The following SPIB variants were observed in gnomAD, a reference collection of about 807,000 sequenced individuals.
SPIB encodes transcription factor Spi-B.
In SPIB, 7 loss-of-function variants were observed where a neutral mutation model predicts 31.9. That is an observed-to-expected ratio of 0.22 (90% CI 0.12 to 0.41). SPIB has a LOEUF of 0.41. Among genes scored for constraint, SPIB ranks in the 10% least tolerant of loss-of-function variants. The pLI, the probability that SPIB is intolerant of heterozygous loss-of-function variation, is 1.00. For missense variants in SPIB, 327 were observed against 360.2 expected (o/e 0.91, Z 0.75); for synonymous variants, 176 against 158.9 (o/e 1.11, Z -0.81).
At chr19:50,420,837 G>A (rs1479060443) in intron 2 of SPIB, among the ~76,000 whole-genome samples, 1 of 152,056 alleles carries the variant, frequency 6.6e-6, no homozygotes, top group African/African-American at 2.4e-5. Flanking sequence ...CATGTTATCC[G>A]GGCTGGTTTC....
intron 2 of SPIB, 41 bp from the exon 3 acceptor site, chr19:50,422,431 AG>A: frequency 6.3e-7 from 1 of 1,599,718 alleles, no homozygotes; most frequent in Non-Finnish European, 8.6e-7. Context: ...GGAGTCCCCA[AG>A]GCCTGGGATG....
intron 5 of SPIB, among the ~76,000 whole-genome samples, chr19:50,424,960 A>AAAACAAAC (rs112201001): frequency 1.3e-5 from 2 of 150,586 alleles, no homozygotes; most frequent in East Asian, 2.0e-4. Context: ...CTCCGTCTCA[A>AAAACAAAC]AAACAAACAA....
At chr19:50,426,804 T>A (rs139263729) in intron 5 of SPIB, among the ~76,000 whole-genome samples, 1 of 151,784 alleles carries the variant, frequency 6.6e-6, no homozygotes, top group Non-Finnish European at 1.5e-5. Flanking sequence ...CTCCAACTTA[T>A]ACTTTCGATG....
chr19:50,420,676 G>A (rs2039483809), intron 2 of SPIB, among the ~76,000 whole-genome samples: 1 of 152,300 alleles, frequency 6.6e-6, no homozygotes, highest in East Asian at 1.9e-4. Context: ...CACCCAGGCT[G>A]GAGTGCAGTG....
chr19:50,423,485 A>G (rs3745516), intron 4 of SPIB, 120 bp from the exon 5 acceptor site: 1,000,768 of 1,399,826 alleles, frequency 0.71, 371,614 homozygotes, highest in Non-Finnish European at 0.77. Flanking sequence ...AAAGGCCAAA[A>G]TCTAGGCTGT....
rs1266073731 is a variant in SPIB, at chr19:50,429,183, A to G, written c.*847A>G. On this transcript the variant is annotated 3_prime_UTR_variant, in exon 6 of 6. Coordinates refer to ENST00000595883, the MANE Select transcript of SPIB (RefSeq NM_003121.5). ...GGGACCCCACAAAGACTGAGTTCTC[A>G]TGGGGATCCTACCCTTCCTAGTGCC... is the stretch of plus-strand genomic sequence containing the variant. 6.6e-6 allele frequency: 1 copy of G among 152,080 alleles called. No individual in the cohort carries two copies. Among genetic ancestry groups the G allele is most frequent in the Non-Finnish European group, 1.5e-5 (1 of 68,028 alleles). The allele number at this position is 152,080 out of a possible 1,614,324, so 9.4% of individuals were successfully genotyped here.
chr19:50,428,345 G>A lies in SPIB; in HGVS notation c.*9G>A. 2 of 1,532,368 alleles carry A rather than the reference G, an allele frequency of 1.3e-6. No individual in the cohort carries two copies. The highest frequency in any genetic ancestry group is 1.8e-6 in the Non-Finnish European group (2 of 1,136,716). 94.9% of individuals were successfully genotyped at this position (1,532,368 alleles called of 1,614,324 possible). ...CAGTCCGCCGGGCCTGAGCACACCC[G>A]AGGCTCCCACCTGCGGAGCCGCTGG... On this transcript the variant is annotated 3_prime_UTR_variant, in exon 6 of 6. Coordinates refer to ENST00000595883, the MANE Select transcript of SPIB (RefSeq NM_003121.5). The surrounding 1 kb of genome is among the most constrained non-coding windows in gnomAD (Gnocchi z 6.5).
chr19:50,422,008 C>T (rs575187948), intron 2 of SPIB, among the ~76,000 whole-genome samples: 2 of 152,272 alleles, frequency 1.3e-5, no homozygotes, highest in African/African-American at 4.8e-5. Context: ...CCTCGGCCCC[C>T]CAAAGTGTTG....
chr19:50,419,549 C>T (rs747617127), intron 1 of SPIB, among the ~76,000 whole-genome samples: 76 of 152,254 alleles, frequency 5.0e-4, no homozygotes, highest in Admixed American at 2.2e-3. Flanking sequence ...GAGTCTTCTC[C>T]GGGCTTCCCC....
chr19:50,423,821 TGGC>T, intron 5 of SPIB, 66 bp downstream of exon 5: 2 of 1,528,908 alleles, frequency 1.3e-6, no homozygotes, highest in Non-Finnish European at 1.8e-6. Flanking sequence ...GAGAGCACCA[TGGC>T]TTCCTGGGCC....
intron 5 of SPIB, among the ~76,000 whole-genome samples, chr19:50,425,465 C>T (rs369004029): frequency 2.4e-4 from 36 of 152,036 alleles, no homozygotes; most frequent in Admixed American, 9.2e-4. Context: ...TTATTTGAGA[C>T]GGTCTCCATC....
At chr19:50,426,482 C>A (rs185977813) in intron 5 of SPIB, among the ~76,000 whole-genome samples, 82 of 152,222 alleles carry the variant, frequency 5.4e-4, no homozygotes, top group African/African-American at 1.9e-3. Context: ...GAATGTCCAA[C>A]TTTTATTTAG....
chr19:50,422,864 AC>A lies in SPIB; in HGVS notation c.171del (p.Tyr58MetfsTer122). 6.3e-7 allele frequency: 1 copy of A among 1,598,310 alleles called. No individual in the cohort carries two copies. The highest frequency in any genetic ancestry group is 8.5e-7 in the Non-Finnish European group (1 of 1,172,194). ...GACTGTGGCCCCACCTGTCCCAGCC[AC>A]CCCCTATGAAGCCTTCGACCCGGCA... The part of the protein sequence containing the change: ...DWTVAPPVPA[T>X]PYEAFDPAAA... On this transcript the variant is annotated frameshift_variant, in exon 4 of 6. Coordinates refer to ENST00000595883, the MANE Select transcript of SPIB (RefSeq NM_003121.5). LOFTEE classifies it high-confidence loss of function.
At chr19:50,427,991 G>A (rs1379264314) in intron 5 of SPIB, 47 bp from the exon 6 acceptor site, 1 of 1,448,956 alleles carries the variant, frequency 6.9e-7, no homozygotes, top group South Asian at 1.5e-5. Context: ...GGGAAGGCGG[G>A]GCCTTAGGGA....
chr19:50,423,343 C>T (rs1015901361), intron 4 of SPIB: 25 of 525,494 alleles, frequency 4.8e-5, no homozygotes, highest in Non-Finnish European at 7.0e-5. Flanking sequence ...TCCGTTGTTG[C>T]CCCTCTGAAC....
At chr19:50,427,912 C>T in intron 5 of SPIB, 126 bp from the exon 6 acceptor site, 1 of 1,055,110 alleles carries the variant, frequency 9.5e-7, no homozygotes, top group Non-Finnish European at 1.3e-6. Context: ...GTAACAGCCA[C>T]TTCCCTCACC....
At chr19:50,423,287 T>C (rs544298018) in intron 4 of SPIB, 9 of 489,684 alleles carry the variant, frequency 1.8e-5, no homozygotes, top group African/African-American at 9.8e-5. Context: ...GGGCACTGCA[T>C]TGAGACTGCA....
chr19:50,428,136 G>A lies in SPIB; in HGVS notation c.589G>A (p.Val197Ile). Residue 197 changes from valine (V) to isoleucine (I), a missense_variant, in exon 6 of 6, where the codon GTC becomes ATC. By Grantham distance (29) the Val-to-Ile change is conservative. This residue lies in a region of SPIB where 54 missense variants were observed against 69.5 expected (regional missense o/e 0.78). Transcript: ENST00000595883. This position sits in a 1 kb window ranked among gnomAD's most constrained non-coding sequence, Gnocchi z 6.5. ...CVWWVEPGAGVFQFSSKHKEL... is the reference protein window; with the variant it reads ...CVWWVEPGAGIFQFSSKHKEL... ...GTGGTGGGTGGAGCCAGGCGCCGGC[G>A]TCTTCCAGTTCTCCTCCAAGCACAA... The A allele has an allele frequency of 1.3e-6, 2 of 1,585,828 alleles. No individual in the cohort carries two copies. Among genetic ancestry groups the A allele is most frequent in the African/African-American group, 1.3e-5 (1 of 74,692 alleles).
rs2039612493 is a variant in SPIB at position 50,429,451 on chromosome 19, C to T, written c.*1115C>T. 6.6e-6 allele frequency: 1 copy of T among 152,598 alleles called. No individual in the cohort carries two copies. The highest frequency in any genetic ancestry group is 2.4e-5 in the African/African-American group (1 of 41,432). 9.5% of individuals were successfully genotyped at this position (152,598 alleles called of 1,614,324 possible). ...TGGGCAATGGCTCACACCTGTAATC[C>T]CAGCACTTTGGGAGGCGAGGCAGGG... On this transcript the variant is annotated 3_prime_UTR_variant, in exon 6 of 6. Transcript: ENST00000595883.
Sources: gnomAD v4.1 joint callset for allele counts (sites outside exome capture counted in the v4.1 genomes callset) on GRCh38, gnomAD v4.1.1 for gene constraint, gnomAD v4.1.1 regional missense constraint, Gnocchi (gnomAD v3.1) non-coding constraint, MANE v1.5 for transcripts, NCBI Gene and HGNC (gene_info 2026-07-23, HGNC 2026-07-21) for gene names.